The following NKAIN3 variants were observed in gnomAD, a reference collection of about 807,000 sequenced individuals.
The protein encoded by NKAIN3 is sodium/potassium transporting ATPase interacting 3.
In NKAIN3, 25 loss-of-function variants were observed where a neutral mutation model predicts 30.2. The observed-to-expected ratio is 0.83, with a 90% CI of 0.60 to 1.16. NKAIN3 has a LOEUF of 1.16. NKAIN3 is among the 50% of genes most tolerant of loss of function. The pLI is 0.00. For synonymous variants in NKAIN3, 91 were observed against 89.6 expected, an observed-to-expected ratio of 1.02 and a Z score of -0.09; for missense variants, 225 against 254.1, an observed-to-expected ratio of 0.89 and a Z score of 0.78.
At chr8:62,517,761 T>G (rs1808039264) in intron 1 of NKAIN3, among the ~76,000 whole-genome samples, 2 of 152,184 alleles carry the variant, frequency 1.3e-5, no homozygotes, top group Non-Finnish European at 2.9e-5. Context: ...GACATTTTGT[T>G]CTGTCAGGAC....
chr8:62,464,282 A>G (rs1231192328), intron 1 of NKAIN3, among the ~76,000 whole-genome samples: 1 of 152,194 alleles, frequency 6.6e-6, no homozygotes. Context: ...TTCTCAAATT[A>G]AAACTCAGAA....
At chr8:62,444,699 A>G (rs2129598459) in intron 1 of NKAIN3, among the ~76,000 whole-genome samples, 1 of 152,186 alleles carries the variant, frequency 6.6e-6, no homozygotes. Flanking sequence ...CAATATATTT[A>G]TTTCCTTTCT....
intron 3 of NKAIN3, among the ~76,000 whole-genome samples, chr8:62,655,829 T>C (rs919371206): frequency 6.6e-6 from 1 of 151,910 alleles, no homozygotes; most frequent in African/African-American, 2.4e-5. Flanking sequence ...CATGGGTAGA[T>C]CACCTATGAA....
At position 62,978,998 on chromosome 8, in the gene NKAIN3, G is replaced by A. The variant is rs1302570890; in HGVS notation, c.*13591G>A. On this transcript the variant is annotated 3_prime_UTR_variant, in exon 7 of 7. Transcript: ENST00000623646. ...CCCCAACCCCTTGCACTTCCCAGGT[G>A]AGGCAATGCCCCACCCTGCTTCTGC... 1.3e-5 allele frequency: 2 copies of A among 152,912 alleles called. No homozygotes were observed. Among genetic ancestry groups the A allele is most frequent in the Non-Finnish European group, 2.9e-5 (2 of 68,454 alleles). The allele number at this position is 152,912 out of a possible 1,614,324, so 9.5% of individuals were successfully genotyped here. A position where few individuals can be genotyped will look rare whatever the true frequency, so the allele number is the denominator to read the frequency against.
rs1342389078 is a variant in NKAIN3, at chr8:62,294,143, C to T, written c.54+45016C>T. The stretch of plus-strand genomic sequence containing the variant: ...TTCCAGGTACCGTCTGTCACGGCTT[C>T]TCTTTGGTAGGAAGGAATTCTCTGA... On this transcript the variant is annotated intron_variant, in intron 1 of 6. Transcript: ENST00000623646. Among the ~76,000 whole-genome samples, 3 of 152,192 alleles carry T rather than the reference C, an allele frequency of 2.0e-5. No homozygotes were observed. The South Asian group carries it at 6.2e-4, about 32-fold the overall frequency.
chr8:62,856,571 G>A (rs552058734), intron 4 of NKAIN3: 3 of 785,648 alleles, frequency 3.8e-6, no homozygotes, highest in African/African-American at 1.7e-5. Context: ...TTGCCATGGG[G>A]TTGTCTTCAT....
At chr8:62,475,663 C>A (rs1806495034) in intron 1 of NKAIN3, among the ~76,000 whole-genome samples, 1 of 152,158 alleles carries the variant, frequency 6.6e-6, no homozygotes, top group African/African-American at 2.4e-5. Flanking sequence ...CTACACATAT[C>A]TGTACTGTAA....
chr8:62,590,674 G>A (rs764503414), intron 3 of NKAIN3, among the ~76,000 whole-genome samples: 1 of 151,962 alleles, frequency 6.6e-6, no homozygotes, highest in East Asian at 1.9e-4. Context: ...TTTAGAAAAT[G>A]TGTCTTGAGC....
intron 1 of NKAIN3, chr8:62,482,780 C>G (rs985096651): frequency 1.3e-5 from 2 of 152,202 alleles, no homozygotes; most frequent in African/African-American, 4.8e-5. Context: ...GCACTGACAT[C>G]AGGGTTTGCC....
At chr8:62,634,625 A>G (rs1812069048) in intron 3 of NKAIN3, among the ~76,000 whole-genome samples, 1 of 152,188 alleles carries the variant, frequency 6.6e-6, no homozygotes, top group Non-Finnish European at 1.5e-5. Context: ...TGCACTTCTC[A>G]GAGATGGGAA....
chr8:62,518,972 T>C (rs1476875452), intron 1 of NKAIN3, among the ~76,000 whole-genome samples: 1 of 152,184 alleles, frequency 6.6e-6, no homozygotes, highest in Non-Finnish European at 1.5e-5. Context: ...ACTCGAATTC[T>C]AATACTGAAT....
chr8:62,548,095 G>A (rs188506697), intron 1 of NKAIN3, among the ~76,000 whole-genome samples: 8 of 152,208 alleles, frequency 5.3e-5, no homozygotes, highest in Non-Finnish European at 1.2e-4. Context: ...TCATCTCATA[G>A]AACCTGTCCA....
chr8:62,482,140 G>C (rs565197232), intron 1 of NKAIN3: 1 of 152,272 alleles, frequency 6.6e-6, no homozygotes, highest in South Asian at 2.1e-4. Flanking sequence ...GTTGGTTATC[G>C]TTTTCTAGCC....
chr8:62,918,257 C>T (rs571691832), intron 4 of NKAIN3, among the ~76,000 whole-genome samples, 196 bp from the exon 5 acceptor site: 74 of 152,226 alleles, frequency 4.9e-4, no homozygotes, highest in Admixed American at 8.5e-4. Context: ...TTTCTGTGTA[C>T]TTTTTAGAAA....
At chr8:62,710,237 C>T (rs1814671014) in intron 3 of NKAIN3, among the ~76,000 whole-genome samples, 1 of 152,026 alleles carries the variant, frequency 6.6e-6, no homozygotes. Flanking sequence ...CTGTTAAGTC[C>T]ATTTGTTCCA....
intron 1 of NKAIN3, among the ~76,000 whole-genome samples, chr8:62,475,071 C>G (rs1806475121): frequency 6.6e-6 from 1 of 151,912 alleles, no homozygotes; most frequent in South Asian, 2.1e-4. Flanking sequence ...CATTTATATC[C>G]CCTCCTCCCT....
intron 1 of NKAIN3, among the ~76,000 whole-genome samples, chr8:62,427,236 T>C (rs1804835113): frequency 6.6e-6 from 1 of 152,056 alleles, no homozygotes; most frequent in Admixed American, 6.6e-5. Flanking sequence ...TGTTTTATTA[T>C]GGCATTGAAA....
intron 4 of NKAIN3, among the ~76,000 whole-genome samples, chr8:62,798,031 A>G (rs1486752894): frequency 6.6e-6 from 1 of 152,170 alleles, no homozygotes. Flanking sequence ...GGGTGGTGTT[A>G]TTGTAGTCAT....
intron 3 of NKAIN3, among the ~76,000 whole-genome samples, chr8:62,641,553 G>A (rs1330716552): frequency 6.6e-6 from 1 of 152,138 alleles, no homozygotes; most frequent in East Asian, 1.9e-4. Context: ...ACAACCAGCA[G>A]TCAGAAAAAC....
Sources: gnomAD v4.1 joint callset for allele counts (sites outside exome capture counted in the v4.1 genomes callset) on GRCh38, gnomAD v4.1.1 for gene constraint, MANE v1.5 for transcripts, NCBI Gene and HGNC (gene_info 2026-07-23, HGNC 2026-07-21) for gene names.